GSDMD: variants seen among roughly 807,000 people sequenced by gnomAD.
The protein encoded by GSDMD is gasdermin-D.
A neutral mutation model predicts 46.7 loss-of-function variants in GSDMD; 46 were observed. That is an observed-to-expected ratio of 0.99 (90% CI 0.78 to 1.26). The LOEUF is 1.26. Among genes scored for constraint, GSDMD ranks in the 50% most tolerant of loss-of-function variants. The pLI is 0.00. For synonymous variants in GSDMD, 307 were observed against 283.1 expected, an observed-to-expected ratio of 1.08 and a Z score of -0.85; for missense variants, 649 against 638.8, an observed-to-expected ratio of 1.02 and a Z score of -0.17.
At position 143,562,021 on chromosome 8, in the gene GSDMD, A is replaced by T; in HGVS notation, c.886A>T (p.Thr296Ser). The T allele has an allele frequency of 6.2e-7, 1 of 1,603,198 alleles. No individual in the cohort carries two copies. Among genetic ancestry groups the T allele is most frequent in the Admixed American group, 1.7e-5 (1 of 59,598 alleles). ...DFQGLRAEVE[T>S]ISKELELLDR... is the part of the protein sequence containing the mutation. The stretch of plus-strand genomic sequence containing the variant: ...CCAGGGCCTACGGGCAGAGGTGGAG[A>T]CCATCTCCAAGGAACTGGAGCTTTT... The change falls in exon 8 of 11, where the codon ACC (threonine) becomes TCC (serine). Residue 296 changes from threonine (T) to serine (S), a missense_variant. Transcript: ENST00000262580.
At chr8:143,559,280 T>TGGGCCCCC in intron 1 of GSDMD, 52 bp from the exon 2 acceptor site, 1 of 579,430 alleles carries the variant, frequency 1.7e-6, no homozygotes. Flanking sequence ...CTTCTCCCAC[T>TGGGCCCCC]CCCTCCCGCC....
rs756672131 is a variant in GSDMD at position 143,559,868 on chromosome 8, G to T, written c.309G>T (p.Lys103Asn). ...AGCTGGCAGCCCCAGGACAGGCAAA[G>T]ATCGCAGGCGGGGCCGCGGTGTCTG... is the stretch of plus-strand genomic sequence containing the variant. ...SVELAAPGQA[K>N]IAGGAAVSDS... The change falls in exon 3 of 11, where the codon AAG becomes AAT. Residue 103 changes from lysine (K) to asparagine (N), a missense_variant. By Grantham distance (94) the Lys-to-Asn change is moderately conservative. Coordinates refer to ENST00000262580, the MANE Select transcript of GSDMD (RefSeq NM_024736.7). The T allele has an allele frequency of 1.1e-5, 18 of 1,612,686 alleles. No homozygotes were observed. The highest frequency in any genetic ancestry group is 1.4e-5 in the Non-Finnish European group (17 of 1,179,982).
chr8:143,557,094 G>A (rs969383632), upstream of GSDMD, among the ~76,000 whole-genome samples: 15 of 152,254 alleles, frequency 9.9e-5, no homozygotes, highest in African/African-American at 3.1e-4. Flanking sequence ...GGATCACGCC[G>A]TCCGCTCCGT....
At chr8:143,559,251 A>C in intron 1 of GSDMD, 81 bp from the exon 2 acceptor site, 1 of 848,698 alleles carries the variant, frequency 1.2e-6, no homozygotes, top group Non-Finnish European at 1.8e-6. Flanking sequence ...CCATCATGGG[A>C]GACATCCAAG....
upstream of GSDMD, chr8:143,558,278 A>T: frequency 6.8e-7 from 1 of 1,468,994 alleles, no homozygotes. Context: ...AGGGGGCAGG[A>T]AGGGGGCCGG....
chr8:143,560,488 C>A, intron 3 of GSDMD, 115 bp from the exon 4 acceptor site: 1 of 1,162,314 alleles, frequency 8.6e-7, no homozygotes, highest in Non-Finnish European at 1.2e-6. Context: ...CCGGCACCCA[C>A]AGACCTCTGG....
At chr8:143,561,234 C>A in intron 5 of GSDMD, 130 bp downstream of exon 5, 4 of 1,214,092 alleles carry the variant, frequency 3.3e-6, no homozygotes, top group Non-Finnish European at 4.7e-6. Context: ...TGGCAGGTGG[C>A]TGAGGTCCTG....
rs751336233 is a variant in GSDMD, at chr8:143,562,807, C to G, written c.1358C>G (p.Thr453Ser). The G allele has an allele frequency of 1.2e-6, 2 of 1,604,998 alleles. No individual in the cohort carries two copies. The highest frequency in any genetic ancestry group is 1.3e-5 in the African/African-American group (1 of 74,802). ...DECGLELGED[T>S]PHVCWEPQAQ... ...TGTGGCCTAGAGCTGGGGGAGGACA[C>G]TCCCCACGTGTGCTGGGAGCCGCAG... The change falls in exon 11 of 11, where the codon ACT becomes AGT. Residue 453 changes from threonine to serine, a missense_variant. Physicochemically the swap from Thr to Ser is moderately conservative, Grantham distance 58. Coordinates refer to ENST00000262580, the MANE Select transcript of GSDMD (RefSeq NM_024736.7).
At chr8:143,558,895 C>T in intron 1 of GSDMD, 1 of 461,494 alleles carries the variant, frequency 2.2e-6, no homozygotes. Flanking sequence ...ACAGAGAAGG[C>T]CCTGGAGGAC....
chr8:143,563,008 C>T lies in GSDMD; in HGVS notation c.*104C>T, dbSNP rs1320462916. ...GGAGCCCAGTAGCCATGTGGCCAGT[C>T]TACCATGGGGCCCAGGAGTTGGGGA... On this transcript the variant is annotated 3_prime_UTR_variant, in exon 11 of 11. Transcript: ENST00000262580. The T allele has an allele frequency of 8.1e-6, 12 of 1,476,110 alleles. No individual in the cohort carries two copies. The highest frequency in any genetic ancestry group is 5.5e-5 in the Admixed American group (3 of 54,484). The allele number at this position is 1,476,110 out of a possible 1,614,324, so 91.4% of individuals were successfully genotyped here. A position where few individuals can be genotyped will look rare whatever the true frequency, so the allele number is the denominator to read the frequency against.
chr8:143,555,870 G>A (rs780772046), upstream of GSDMD: 2 of 152,208 alleles, frequency 1.3e-5, no homozygotes, highest in African/African-American at 2.4e-5. Context: ...AGAAGTTCAA[G>A]ACCAGCCTGG....
chr8:143,558,319 C>T (rs933563782), upstream of GSDMD: 92 of 1,520,398 alleles, frequency 6.1e-5, no homozygotes, highest in Non-Finnish European at 7.5e-5. Context: ...TCCGGGAGGG[C>T]GTCCTGGGCG....
intron 3 of GSDMD, 108 bp from the exon 4 acceptor site, chr8:143,560,495 C>T: frequency 8.0e-7 from 1 of 1,248,032 alleles, no homozygotes; most frequent in Non-Finnish European, 1.1e-6. Flanking sequence ...CCACAGACCT[C>T]TGGAGGGCCC....
chr8:143,558,418 C>T lies in GSDMD; in HGVS notation c.-38C>T. ...CGGCTCCCAGGGAGAGCAGACGCGCCAGACGCGCCACCCTCGGGGCGCCGA... is the reference window on the plus strand; with the variant it reads ...CGGCTCCCAGGGAGAGCAGACGCGCTAGACGCGCCACCCTCGGGGCGCCGA... On this transcript the variant is annotated 5_prime_UTR_variant, in exon 1 of 11. Coordinates refer to ENST00000262580, the MANE Select transcript of GSDMD (RefSeq NM_024736.7). 3 of 1,507,172 alleles carry T rather than the reference C, an allele frequency of 2.0e-6. No individual in the cohort carries two copies. Among genetic ancestry groups the T allele is most frequent in the East Asian group, 2.7e-5 (1 of 36,724 alleles). The allele number at this position is 1,507,172 out of a possible 1,614,324, so 93.4% of individuals were successfully genotyped here. A position where few individuals can be genotyped will look rare whatever the true frequency, so the allele number is the denominator to read the frequency against.
upstream of GSDMD, among the ~76,000 whole-genome samples, chr8:143,557,184 C>G (rs774298222): frequency 6.6e-6 from 1 of 152,294 alleles, no homozygotes; most frequent in Middle Eastern, 3.2e-3. Context: ...GGGTCTCATT[C>G]CTTTTGACCG....
At position 143,562,780 on chromosome 8, in the gene GSDMD, A is replaced by G. The variant is rs772527255; in HGVS notation, c.1331A>G (p.Glu444Gly). ...EGAPAWVLLD[E>G]CGLELGEDTP... ...GCACCGGCCTGGGTCTTGCTGGACGAGTGTGGCCTAGAGCTGGGGGAGGAC... is the reference window on the plus strand; with the variant it reads ...GCACCGGCCTGGGTCTTGCTGGACGGGTGTGGCCTAGAGCTGGGGGAGGAC... The change falls in exon 11 of 11, where the codon GAG becomes GGG. Residue 444 changes from glutamate to glycine, a missense_variant. Coordinates refer to ENST00000262580, the MANE Select transcript of GSDMD (RefSeq NM_024736.7). The G allele has an allele frequency of 6.1e-5, 98 of 1,594,098 alleles. No homozygotes were observed. Among genetic ancestry groups the G allele is most frequent in the Non-Finnish European group, 8.3e-5 (97 of 1,170,890 alleles).
At position 143,559,372 on chromosome 8, in the gene GSDMD, G is replaced by A. The variant is rs1278086632; in HGVS notation, c.37G>A (p.Val13Ile). Reference sequence around the variant, plus strand: ...CTTTGAGCGGGTAGTCCGGAGAGTGGTCCAGGAGCTGGACCATGGTGGGGA... The same window carrying A: ...CTTTGAGCGGGTAGTCCGGAGAGTGATCCAGGAGCTGGACCATGGTGGGGA... ...SAFERVVRRV[V>I]QELDHGGEFI... The change falls in exon 2 of 11, where the codon GTC becomes ATC. Residue 13 changes from valine to isoleucine, a missense_variant. Val to Ile is a conservative substitution (Grantham distance 29). Coordinates refer to ENST00000262580, the MANE Select transcript of GSDMD (RefSeq NM_024736.7). The A allele has an allele frequency of 6.2e-7, 1 of 1,612,844 alleles. No homozygotes were observed. Among genetic ancestry groups the A allele is most frequent in the Admixed American group, 1.7e-5 (1 of 60,014 alleles).
upstream of GSDMD, among the ~76,000 whole-genome samples, chr8:143,555,492 G>A (rs751150529): frequency 4.6e-5 from 7 of 152,184 alleles, no homozygotes; most frequent in Non-Finnish European, 7.4e-5. Flanking sequence ...TTGACCCCTC[G>A]GGAGTGGCTG....
At chr8:143,554,798 G>A (rs1454740895), upstream of GSDMD, among the ~76,000 whole-genome samples, 2 of 152,234 alleles carry the variant, frequency 1.3e-5, no homozygotes, top group African/African-American at 4.8e-5. Flanking sequence ...ATACACACGC[G>A]CACAAACGCG....
Sources: gnomAD v4.1 joint callset for allele counts (sites outside exome capture counted in the v4.1 genomes callset) on GRCh38, gnomAD v4.1.1 for gene constraint, MANE v1.5 for transcripts, NCBI Gene and HGNC (gene_info 2026-07-23, HGNC 2026-07-21) for gene names.